GRAMD2B: variants seen among roughly 807,000 people sequenced by gnomAD.
GRAMD2B encodes GRAM domain containing 2B, also known as GRAM domain-containing protein 2B.
A neutral mutation model predicts 59.2 loss-of-function variants in GRAMD2B; 41 were observed. That is an observed-to-expected ratio of 0.69 (90% CI 0.54 to 0.90). The LOEUF is 0.90. Ranked by LOEUF, GRAMD2B falls within the 40% of genes least tolerant of loss-of-function variation. The probability of loss-of-function intolerance (pLI) is 0.00; values close to 1 mark genes in which losing one functional copy is unlikely to be tolerated. For missense variants in GRAMD2B, 424 were observed against 500.5 expected (o/e 0.85, Z 1.46); for synonymous variants, 161 against 182.7 (o/e 0.88, Z 0.96).
intron 1 of GRAMD2B, among the ~76,000 whole-genome samples, chr5:126,454,608 T>C (rs1238525974): frequency 1.3e-5 from 2 of 152,210 alleles, no homozygotes; most frequent in Admixed American, 6.5e-5. Context: ...GGAGTAGATA[T>C]AGAGGCAGGA....
At chr5:126,379,649 G>A (rs1419376216) in intron 1 of GRAMD2B, among the ~76,000 whole-genome samples, 1 of 152,078 alleles carries the variant, frequency 6.6e-6, no homozygotes. Context: ...ACATTTCCCT[G>A]ATCATTAGTA....
chr5:126,446,620 TAAAAAAAAAAA>T, intron 1 of GRAMD2B, among the ~76,000 whole-genome samples: 1 of 135,214 alleles, frequency 7.4e-6, no homozygotes, highest in East Asian at 2.2e-4. Flanking sequence ...TTTTAAAAAT[TAAAAAAAAAAA>T]AAAAAAAAAC....
chr5:126,400,781 C>A (rs1375509683), intron 1 of GRAMD2B, among the ~76,000 whole-genome samples: 2 of 152,084 alleles, frequency 1.3e-5, no homozygotes, highest in African/African-American at 4.8e-5. Flanking sequence ...CCTACTCTCT[C>A]CTGGCATGCT....
At chr5:126,433,083 A>G (rs1226218890) in intron 1 of GRAMD2B, among the ~76,000 whole-genome samples, 3 of 152,250 alleles carry the variant, frequency 2.0e-5, no homozygotes, top group Non-Finnish European at 4.4e-5. Flanking sequence ...TAGAGAGGAA[A>G]GGAATGTTTT....
At chr5:126,381,814 T>C (rs1447150619) in intron 1 of GRAMD2B, among the ~76,000 whole-genome samples, 2 of 152,146 alleles carry the variant, frequency 1.3e-5, no homozygotes, top group East Asian at 1.9e-4. Context: ...TTTAATGAGG[T>C]TCTATTTTGG....
chr5:126,443,829 C>T (rs182724954), intron 1 of GRAMD2B, among the ~76,000 whole-genome samples: 26 of 152,280 alleles, frequency 1.7e-4, no homozygotes, highest in African/African-American at 5.5e-4. Context: ...GCAGGTGGAT[C>T]GCCTGAGGTC....
At chr5:126,425,397 G>A (rs1052733495) in intron 1 of GRAMD2B, among the ~76,000 whole-genome samples, 3 of 152,202 alleles carry the variant, frequency 2.0e-5, no homozygotes, top group South Asian at 2.1e-4. Flanking sequence ...CCTAGAGGAC[G>A]TATGTTAGAC....
intron 1 of GRAMD2B, among the ~76,000 whole-genome samples, chr5:126,463,891 C>T (rs373699626): frequency 1.1e-4 from 17 of 152,180 alleles, no homozygotes; most frequent in African/African-American, 2.6e-4. Flanking sequence ...TGGTGGCGTG[C>T]GCCTGTAATC....
At chr5:126,376,472 T>C (rs1294276239) in intron 1 of GRAMD2B, among the ~76,000 whole-genome samples, 1 of 152,218 alleles carries the variant, frequency 6.6e-6, no homozygotes, top group African/African-American at 2.4e-5. Flanking sequence ...AAGAAAATGT[T>C]TGCCCTTCTT....
chr5:126,429,918 A>G (rs767825417), intron 1 of GRAMD2B, among the ~76,000 whole-genome samples: 1 of 152,208 alleles, frequency 6.6e-6, no homozygotes, highest in Non-Finnish European at 1.5e-5. Context: ...CTGTTGTCCA[A>G]TACTTCTATC....
chr5:126,449,544 G>A (rs551431799), intron 1 of GRAMD2B, among the ~76,000 whole-genome samples: 2 of 152,180 alleles, frequency 1.3e-5, no homozygotes, highest in South Asian at 4.2e-4. Flanking sequence ...GGGATATCAT[G>A]AGCTTCTTTT....
upstream of GRAMD2B, among the ~76,000 whole-genome samples, chr5:126,368,857 T>A (rs779879852): frequency 2.0e-5 from 3 of 152,192 alleles, no homozygotes; most frequent in Non-Finnish European, 4.4e-5. Flanking sequence ...GCTGCGTAAC[T>A]GAAATAACCG....
intron 1 of GRAMD2B, among the ~76,000 whole-genome samples, chr5:126,373,113 A>G (rs1754905247): frequency 6.6e-6 from 1 of 152,294 alleles, no homozygotes; most frequent in Middle Eastern, 3.4e-3. Context: ...TCAAATTTCT[A>G]TGTTAGCATC....
intron 6 of GRAMD2B, 33 bp from the exon 7 acceptor site, chr5:126,480,423 A>G (rs376203089): frequency 6.7e-7 from 1 of 1,484,978 alleles, no homozygotes; most frequent in Non-Finnish European, 9.4e-7. Flanking sequence ...ATCCGGCAAT[A>G]TCTATTCATA....
At chr5:126,478,140 G>A (rs868789136) in intron 6 of GRAMD2B, among the ~76,000 whole-genome samples, 21 of 126,832 alleles carry the variant, frequency 1.7e-4, no homozygotes, top group African/African-American at 2.7e-4. Context: ...GTCTTAAAGG[G>A]AAAAAAAAAA....
intron 1 of GRAMD2B, among the ~76,000 whole-genome samples, chr5:126,442,794 A>G (rs563126403): frequency 5.3e-5 from 8 of 152,294 alleles, no homozygotes; most frequent in African/African-American, 1.4e-4. Context: ...ATTAAAATCT[A>G]TGATTCTACA....
intron 1 of GRAMD2B, among the ~76,000 whole-genome samples, chr5:126,372,824 G>A (rs1754878979): frequency 6.6e-6 from 1 of 151,982 alleles, no homozygotes. Flanking sequence ...GAATTGCTTT[G>A]TCTGTGGAAT....
At position 126,493,191 on chromosome 5, in the gene GRAMD2B, G is replaced by A; in HGVS notation, c.*235G>A. 1.9e-6 allele frequency: 1 copy of A among 530,076 alleles called. No individual in the cohort carries two copies. Among genetic ancestry groups the A allele is most frequent in the Non-Finnish European group, 3.4e-6 (1 of 294,252 alleles). 32.8% of individuals were successfully genotyped at this position (530,076 alleles called of 1,614,324 possible). On this transcript the variant is annotated 3_prime_UTR_variant, in exon 14 of 14. Transcript: ENST00000285689. ...GAAGATTTTGCTGCTTTTGCCTGAA[G>A]AAAACAGACCCATCTCTGGAGGTCT...
intron 1 of GRAMD2B, among the ~76,000 whole-genome samples, chr5:126,430,077 T>C (rs1406846783): frequency 6.6e-6 from 1 of 152,236 alleles, no homozygotes; most frequent in Non-Finnish European, 1.5e-5. Flanking sequence ...TTAGCCACTT[T>C]GCACATTTTC....
Sources: allele counts gnomAD v4.1 joint callset (sites outside exome capture counted in the v4.1 genomes callset), GRCh38; gene constraint gnomAD v4.1.1; transcripts MANE v1.5; gene names NCBI Gene and HGNC (gene_info 2026-07-23, HGNC 2026-07-21).